The following RNF138 variants were observed in gnomAD, a reference collection of about 807,000 sequenced individuals.
RNF138 encodes ring finger protein 138, also known as E3 ubiquitin-protein ligase RNF138.
In RNF138, 12 loss-of-function variants were observed where a neutral mutation model predicts 31.0. The ratio of observed to expected loss-of-function variants is 0.39; its 90% confidence interval spans 0.25 to 0.63. The LOEUF is 0.63. Ranked by LOEUF, RNF138 falls within the 20% of genes least tolerant of loss-of-function variation. RNF138 has a pLI of 0.52. For missense variants in RNF138, 192 were observed against 300.1 expected (o/e 0.64, Z 2.66); for synonymous variants, 105 against 99.5 (o/e 1.06, Z -0.33).
At chr18:32,111,153 G>A (rs893725563) in intron 2 of RNF138, among the ~76,000 whole-genome samples, 5 of 152,268 alleles carry the variant, frequency 3.3e-5, no homozygotes, top group Middle Eastern at 3.4e-3. Flanking sequence ...CCCTACTTCC[G>A]GACCAAATAA....
intron 4 of RNF138, among the ~76,000 whole-genome samples, chr18:32,118,664 C>T (rs10853418): frequency 0.43 from 64,514 of 150,954 alleles, 14,932 homozygotes; most frequent in East Asian, 0.64. Flanking sequence ...CCTTGTCTCT[C>T]CCAAAAATAG....
chr18:32,099,834 C>T (rs1473789054), intron 2 of RNF138, among the ~76,000 whole-genome samples: 1 of 152,224 alleles, frequency 6.6e-6, no homozygotes, highest in African/African-American at 2.4e-5. Context: ...CTGTTACTTA[C>T]TTAAGCCTAC....
At chr18:32,100,361 A>G (rs2039908484) in intron 2 of RNF138, among the ~76,000 whole-genome samples, 2 of 151,486 alleles carry the variant, frequency 1.3e-5, no homozygotes, top group South Asian at 4.2e-4. Context: ...GTGCAGTGGC[A>G]TGATCATGGC....
At chr18:32,111,153 G>T (rs893725563) in intron 2 of RNF138, among the ~76,000 whole-genome samples, 1 of 152,150 alleles carries the variant, frequency 6.6e-6, no homozygotes, top group African/African-American at 2.4e-5. Flanking sequence ...CCCTACTTCC[G>T]GACCAAATAA....
rs1432529676 is a variant in RNF138, at chr18:32,131,220, C to T, written c.*2033C>T. 1 of 152,084 alleles carries T rather than the reference C, an allele frequency of 6.6e-6. No homozygotes were observed. The highest frequency in any genetic ancestry group is 2.4e-5 in the African/African-American group (1 of 41,434). The allele number at this position is 152,084 out of a possible 1,614,324, so 9.4% of individuals were successfully genotyped here. ...ATCATTGATAGTCTTGTGTGTCTCACATATCAGCTTTTTCATAAGGAAAAT... is the reference window on the plus strand; with the variant it reads ...ATCATTGATAGTCTTGTGTGTCTCATATATCAGCTTTTTCATAAGGAAAAT... On this transcript the variant is annotated 3_prime_UTR_variant, in exon 8 of 8. Coordinates refer to ENST00000261593, the MANE Select transcript of RNF138 (RefSeq NM_016271.5).
intron 1 of RNF138, among the ~76,000 whole-genome samples, 152 bp downstream of exon 1, chr18:32,092,387 G>A (rs922496173): frequency 2.0e-5 from 3 of 152,080 alleles, no homozygotes; most frequent in Non-Finnish European, 2.9e-5. Flanking sequence ...GGGCGAAGAC[G>A]GGGGCTGAGG....
chr18:32,092,694 A>G lies in RNF138; in HGVS notation c.-77-6A>G, dbSNP rs766221578. 2.6e-6 allele frequency: 2 copies of G among 779,652 alleles called. No individual in the cohort carries two copies. Among genetic ancestry groups the G allele is most frequent in the Admixed American group, 2.1e-5 (1 of 47,798 alleles). 48.3% of individuals were successfully genotyped at this position (779,652 alleles called of 1,614,324 possible). Reference sequence around the variant, plus strand: ...CGATCCCCCTCCCCCCTCCGGGTTCATGTAGGGAGTCGGGCCCCGGGCCGC... The same window carrying G: ...CGATCCCCCTCCCCCCTCCGGGTTCGTGTAGGGAGTCGGGCCCCGGGCCGC... On this transcript the variant is annotated splice_region_variant and splice_polypyrimidine_tract_variant and intron_variant, in intron 1 of 7. Coordinates refer to ENST00000261593, the MANE Select transcript of RNF138 (RefSeq NM_016271.5).
rs1396843795 is a variant in RNF138 at position 32,102,323 on chromosome 18, TCCCGAGTAGCTGGGACTACAGGCGCC to T, written c.111-9429_111-9404del. Among the ~76,000 whole-genome samples the T allele has an allele frequency of 2.1e-5, 3 of 141,212 alleles. No individual in the cohort carries two copies. The East Asian group carries it at 7.2e-4, about 34-fold the overall frequency. The allele number at this position is 141,212 out of a possible 152,430, so 92.6% of individuals were successfully genotyped here. A position where few individuals can be genotyped will look rare whatever the true frequency, so the allele number is the denominator to read the frequency against. The stretch of plus-strand genomic sequence containing the variant: ...TTCACACCATTCTCCTGCCTCAGCC[TCCCGAGTAGCTGGGACTACAGGCGCC>T]CGCCGCCACGCCCGGCTAATTTTTT... On this transcript the variant is annotated intron_variant, in intron 2 of 7. Coordinates refer to ENST00000261593, the MANE Select transcript of RNF138 (RefSeq NM_016271.5).
At chr18:32,123,297 A>G (rs1020030321) in intron 4 of RNF138, among the ~76,000 whole-genome samples, 20 of 152,306 alleles carry the variant, frequency 1.3e-4, no homozygotes, top group East Asian at 1.9e-4. Flanking sequence ...TAAGCAGTCA[A>G]TTTATTTAAA....
chr18:32,105,700 G>C lies in RNF138; in HGVS notation c.111-6054G>C, dbSNP rs147881372. On this transcript the variant is annotated intron_variant, in intron 2 of 7. Transcript: ENST00000261593. ...GTGGGGAATTCTTAAGACTGCAAAA[G>C]CATAAACCATAATTTTAGGAAAAGG... 4.6e-5 allele frequency among the ~76,000 whole-genome samples: 7 copies of C among 152,240 alleles called. 1 individual carries two copies. The East Asian group carries it at 1.4e-3, about 29-fold the overall frequency.
At position 32,118,841 on chromosome 18, in the gene RNF138, A is replaced by AAAT. The variant is rs370275912; in HGVS notation, c.393-4658_393-4656dup. On this transcript the variant is annotated intron_variant, in intron 4 of 7. Coordinates refer to ENST00000261593, the MANE Select transcript of RNF138 (RefSeq NM_016271.5). ...CGAGACTCCGTCTCAAAAAAAAAGA[A>AAAT]AATAATAATAATAATAATAATCCTT... 7.2e-3 allele frequency among the ~76,000 whole-genome samples: 1,097 copies of AAAT among 152,108 alleles called. 17 individuals are homozygous for AAAT. The highest frequency in any genetic ancestry group is 0.025 in the African/African-American group (1,041 of 41,488).
intron 4 of RNF138, chr18:32,122,274 C>CT (rs1459182617): frequency 1.3e-5 from 2 of 152,082 alleles, no homozygotes; most frequent in African/African-American, 2.4e-5. Flanking sequence ...GGAATGGTGC[C>CT]TTTTCACTGT....
intron 2 of RNF138, among the ~76,000 whole-genome samples, chr18:32,097,199 C>T (rs904745127): frequency 6.6e-6 from 1 of 152,142 alleles, no homozygotes; most frequent in African/African-American, 2.4e-5. Flanking sequence ...TCTGTTCTTC[C>T]TTGTTTTGAA....
chr18:32,126,895 G>A, intron 7 of RNF138, 95 bp downstream of exon 7: 1 of 707,684 alleles, frequency 1.4e-6, no homozygotes, highest in South Asian at 1.7e-5. Flanking sequence ...GCAAGCTGTT[G>A]TATCTTACTG....
intron 7 of RNF138, among the ~76,000 whole-genome samples, chr18:32,128,547 C>A (rs1470553019): frequency 6.6e-6 from 1 of 152,190 alleles, no homozygotes; most frequent in African/African-American, 2.4e-5. Context: ...CAAAAAATTT[C>A]TTACTCAACT....
At chr18:32,119,837 T>C (rs535864738) in intron 4 of RNF138, among the ~76,000 whole-genome samples, 15 of 152,254 alleles carry the variant, frequency 9.9e-5, no homozygotes, top group African/African-American at 3.6e-4. Context: ...ATGAGCCCCC[T>C]TTTTTTCCTG....
At position 32,129,484 on chromosome 18, in the gene RNF138, TTATTA is replaced by T. The variant is rs915325476; in HGVS notation, c.*299_*303del. On this transcript the variant is annotated 3_prime_UTR_variant, in exon 8 of 8. Coordinates refer to ENST00000261593, the MANE Select transcript of RNF138 (RefSeq NM_016271.5). ...TGTAATATTATTTTTGAATTTTTCA[TTATTA>T]TGTTGCTTTTGAAATTTGATGCATT... 1.4e-3 allele frequency: 109 copies of T among 77,988 alleles called. No homozygotes were observed. Among genetic ancestry groups the T allele is most frequent in the Non-Finnish European group, 2.5e-3 (83 of 33,866 alleles). The allele number at this position is 77,988 out of a possible 1,614,324, so 4.8% of individuals were successfully genotyped here. A position where few individuals can be genotyped will look rare whatever the true frequency, so the allele number is the denominator to read the frequency against.
chr18:32,097,863 G>A (rs1000172075), intron 2 of RNF138, among the ~76,000 whole-genome samples: 4 of 151,588 alleles, frequency 2.6e-5, no homozygotes, highest in Non-Finnish European at 2.9e-5. Flanking sequence ...TCTGTTGCTC[G>A]GGCTATATAT....
intron 2 of RNF138, among the ~76,000 whole-genome samples, chr18:32,100,421 C>T (rs2039910465): frequency 6.6e-6 from 1 of 151,172 alleles, no homozygotes; most frequent in Admixed American, 6.6e-5. Context: ...CTTTAGCCTT[C>T]CCAGTAGCTG....
Sources: gnomAD v4.1 joint callset for allele counts (sites outside exome capture counted in the v4.1 genomes callset) on GRCh38, gnomAD v4.1.1 for gene constraint, MANE v1.5 for transcripts, NCBI Gene and HGNC (gene_info 2026-07-23, HGNC 2026-07-21) for gene names.